The following CCNT1 variants were observed in gnomAD, a reference collection of about 807,000 sequenced individuals.
CCNT1 encodes cyclin T1.
Under a neutral mutation model 67.3 loss-of-function variants are expected in CCNT1, and 18 were observed. That is an observed-to-expected ratio of 0.27 (90% CI 0.18 to 0.40). The LOEUF (loss-of-function observed/expected upper bound fraction) is 0.40. Ranked by LOEUF, CCNT1 falls within the 10% of genes least tolerant of loss-of-function variation. The pLI, the probability that CCNT1 is intolerant of heterozygous loss-of-function variation, is 1.00. For missense variants in CCNT1, 744 were observed against 884.9 expected (o/e 0.84, Z 2.02); for synonymous variants, 333 against 310.3 (o/e 1.07, Z -0.77).
intron 5 of CCNT1, among the ~76,000 whole-genome samples, chr12:48,698,696 G>A (rs11168690): frequency 0.23 from 34,287 of 152,164 alleles, 4,856 homozygotes; most frequent in Non-Finnish European, 0.33. Context: ...GGTGGCTCAC[G>A]CCTGTAATCC....
chr12:48,698,491 T>C (rs1003546576), intron 5 of CCNT1, among the ~76,000 whole-genome samples: 1 of 152,164 alleles, frequency 6.6e-6, no homozygotes, highest in African/African-American at 2.4e-5. Context: ...TAAAATTTAA[T>C]TAAATGTTTG....
In CCNT1 at chr12:48,690,062, C is replaced by T. The variant is rs1381759508; in HGVS notation, c.*2971G>A. 1 of 152,224 alleles carries T rather than the reference C, an allele frequency of 6.6e-6. No homozygotes were observed. Among genetic ancestry groups the T allele is most frequent in the Non-Finnish European group, 1.5e-5 (1 of 68,052 alleles). 9.4% of individuals were successfully genotyped at this position (152,224 alleles called of 1,614,324 possible). On this transcript the variant is annotated 3_prime_UTR_variant, in exon 9 of 9. Coordinates refer to ENST00000261900, the MANE Select transcript of CCNT1 (RefSeq NM_001240.4). ...TTCATGAATGGGAAGACTAGACTAA[C>T]ACCTAAGTATTTTCTAAACTCAAAA... is the stretch of plus-strand genomic sequence containing the variant.
chr12:48,701,655 T>C (rs901319324), intron 3 of CCNT1, among the ~76,000 whole-genome samples: 2 of 152,056 alleles, frequency 1.3e-5, no homozygotes, highest in African/African-American at 4.8e-5. Context: ...TTGCCCAGGC[T>C]GGAGTGCAAT....
At chr12:48,699,134 A>C (rs972062937) in intron 5 of CCNT1, among the ~76,000 whole-genome samples, 5 of 152,140 alleles carry the variant, frequency 3.3e-5, no homozygotes, top group Admixed American at 6.6e-5. Flanking sequence ...CTCAATATTA[A>C]CATACACCCA....
At position 48,705,771 on chromosome 12, in the gene CCNT1, A is replaced by G. The variant is rs1404175424; in HGVS notation, c.369T>C (p.Ser123=). The G allele has an allele frequency of 6.2e-7, 1 of 1,605,900 alleles. No individual in the cohort carries two copies. Among genetic ancestry groups the G allele is most frequent in the Non-Finnish European group, 8.5e-7 (1 of 1,177,384 alleles). Residue 123 remains serine (S), a synonymous_variant, in exon 3 of 9, where the codon AGT becomes AGC. Transcript: ENST00000261900. ...AGATGTGTAATTAATCTCCTACCTC[A>G]CTTCTAGTATCAGGAAGGGATTCCT... ...HPQESLPDTR[S]EAYLQQVQDL...
At chr12:48,714,859 C>T (rs1028210917) in intron 1 of CCNT1, among the ~76,000 whole-genome samples, 2 of 152,228 alleles carry the variant, frequency 1.3e-5, no homozygotes, top group Non-Finnish European at 2.9e-5. Flanking sequence ...GTCGCCCACA[C>T]TGGAGTGCGG....
chr12:48,698,116 A>G, intron 6 of CCNT1, 22 bp downstream of exon 6: 5 of 1,503,966 alleles, frequency 3.3e-6, no homozygotes, highest in Non-Finnish European at 4.5e-6. Flanking sequence ...AATCGAAGAG[A>G]AAAAAAAATT....
rs745339049 is a variant in CCNT1 at position 48,693,107 on chromosome 12, C to T, written c.2107G>A (p.Gly703Ser). The stretch of plus-strand genomic sequence containing the variant: ...GGTGGCCGGGGTTTGTCTGTATTGC[C>T]AGATCTCGAGGAGATTCCACCAGAC... Reference protein sequence around the residue: ...PRSGGISSRSGNTDKPRPPPL... With the variant: ...PRSGGISSRSSNTDKPRPPPL... Residue 703 changes from glycine to serine, a missense_variant, in exon 9 of 9, where the codon GGC (glycine) becomes AGC (serine). Coordinates refer to ENST00000261900, the MANE Select transcript of CCNT1 (RefSeq NM_001240.4). 1.2e-6 allele frequency: 2 copies of T among 1,613,938 alleles called. No individual in the cohort carries two copies. The highest frequency in any genetic ancestry group is 4.5e-5 in the East Asian group (2 of 44,876).
intron 5 of CCNT1, 145 bp from the exon 6 acceptor site, chr12:48,698,328 C>G (rs1940212402): frequency 1.9e-6 from 1 of 538,126 alleles, no homozygotes; most frequent in Non-Finnish European, 3.3e-6. Flanking sequence ...TCCCTGTAAA[C>G]CTGACGTTTA....
Position 48,703,585 on chromosome 12 carries a change from T to TA in CCNT1, c.372+2182dup, listed in dbSNP as rs1294418266. Among the ~76,000 whole-genome samples the TA allele has an allele frequency of 9.1e-3, 1,291 of 141,850 alleles. 25 individuals are homozygous for TA. The highest frequency in any genetic ancestry group is 0.031 in the African/African-American group (1,196 of 38,664). The allele number at this position is 141,850 out of a possible 152,430, so 93.1% of individuals were successfully genotyped here. ...CAAAACTCCAACTCGAAAAAAAAGTTAAAAAAAAAAAAAATAGTGAAACTA... is the reference window on the plus strand; with the variant it reads ...CAAAACTCCAACTCGAAAAAAAAGTTAAAAAAAAAAAAAAATAGTGAAACTA... On this transcript the variant is annotated intron_variant, in intron 3 of 8. Coordinates refer to ENST00000261900, the MANE Select transcript of CCNT1 (RefSeq NM_001240.4).
chr12:48,697,534 A>AATATATATATATATATATATAT (rs771889041), intron 6 of CCNT1, among the ~76,000 whole-genome samples: 3 of 130,682 alleles, frequency 2.3e-5, no homozygotes, highest in African/African-American at 9.1e-5. Flanking sequence ...AAAAAAAAAA[A>AATATATATATATATATATATAT]ATATATATAT....
rs760792255 is a variant in CCNT1 at position 48,705,906 on chromosome 12, G to A, written c.244-10C>T. The A allele has an allele frequency of 1.9e-6, 3 of 1,604,950 alleles. No individual in the cohort carries two copies. Among genetic ancestry groups the A allele is most frequent in the South Asian group, 1.1e-5 (1 of 89,990 alleles). The stretch of plus-strand genomic sequence containing the variant: ...CTGCTGGAGCCACAGACTGAATGGA[G>A]AGAAAATAAATCATATTTATTATCA... On this transcript the variant is annotated splice_polypyrimidine_tract_variant and intron_variant, in intron 2 of 8. Coordinates refer to ENST00000261900, the MANE Select transcript of CCNT1 (RefSeq NM_001240.4).
chr12:48,694,240 C>G lies in CCNT1; in HGVS notation c.974G>C (p.Ser325Thr). The G allele has an allele frequency of 6.2e-7, 1 of 1,614,218 alleles. No homozygotes were observed. Among genetic ancestry groups the G allele is most frequent in the Non-Finnish European group, 8.5e-7 (1 of 1,180,038 alleles). Residue 325 changes from serine (S) to threonine (T), a missense_variant, in exon 9 of 9, where the codon AGT becomes ACT. Coordinates refer to ENST00000261900, the MANE Select transcript of CCNT1 (RefSeq NM_001240.4). The part of the protein sequence containing the change: ...VSEESSSNLT[S>T]VEMLPGKRWL... ...ACGCTTGCCCGGCAACATCTCCACA[C>G]TGGTTAAGTTGCTGGATGACTCTTC...
At chr12:48,713,069 T>C (rs976999695) in intron 2 of CCNT1, among the ~76,000 whole-genome samples, 2 of 152,206 alleles carry the variant, frequency 1.3e-5, no homozygotes, top group Non-Finnish European at 2.9e-5. Context: ...AAGTCATTTA[T>C]AATAATGTTA....
Position 48,693,284 on chromosome 12 carries a change from T to C in CCNT1, c.1930A>G (p.Thr644Ala). Residue 644 changes from threonine (T) to alanine (A), a missense_variant, in exon 9 of 9, where the codon ACT (threonine) becomes GCT (alanine). Physicochemically the swap from Thr to Ala is moderately conservative, Grantham distance 58 (BLOSUM62 0). Around this residue, in one of 3 missense-constraint regions of CCNT1, gnomAD observed 564 missense variants for 574.2 expected, o/e 0.98. Transcript: ENST00000261900. ...GTCGTGTTGTGACCATTGGCCCCAGTGGGCCCTTTATCCAGTTTCGAATGA... is the reference window on the plus strand; with the variant it reads ...GTCGTGTTGTGACCATTGGCCCCAGCGGGCCCTTTATCCAGTTTCGAATGA... ...VPHSKLDKGP[T>A]GANGHNTTQT... 1 of 1,614,236 alleles carries C rather than the reference T, an allele frequency of 6.2e-7. No individual in the cohort carries two copies. The highest frequency in any genetic ancestry group is 2.2e-5 in the East Asian group (1 of 44,882).
rs1737003164 is a variant in CCNT1 at position 48,691,549 on chromosome 12, A to G, written c.*1484T>C. 6.6e-6 allele frequency: 1 copy of G among 152,236 alleles called. No individual in the cohort carries two copies. Among genetic ancestry groups the G allele is most frequent in the African/African-American group, 2.4e-5 (1 of 41,454 alleles). 9.4% of individuals were successfully genotyped at this position (152,236 alleles called of 1,614,324 possible). ...CTTTCTAGCCAAGATTTTCTGAAAG[A>G]TTTATTAAAAATGTTCACTCCTAAT... On this transcript the variant is annotated 3_prime_UTR_variant, in exon 9 of 9. Coordinates refer to ENST00000261900, the MANE Select transcript of CCNT1 (RefSeq NM_001240.4).
chr12:48,715,138 CA>C (rs1259088972), intron 1 of CCNT1, among the ~76,000 whole-genome samples: 6 of 152,092 alleles, frequency 3.9e-5, no homozygotes, highest in Non-Finnish European at 7.4e-5. Flanking sequence ...AACACACATA[CA>C]AAAAGGAAAG....
Position 48,714,536 on chromosome 12 carries a change from A to G in CCNT1, c.162-12T>C. ...TAGTCAATTGTGAGCTGAAGTGTTC[A>G]AGTTAAGATCCAAAAACAGGCAGGT... is the stretch of plus-strand genomic sequence containing the variant. On this transcript the variant is annotated splice_polypyrimidine_tract_variant and intron_variant, in intron 1 of 8. Coordinates refer to ENST00000261900, the MANE Select transcript of CCNT1 (RefSeq NM_001240.4). 6.3e-7 allele frequency: 1 copy of G among 1,576,012 alleles called. No individual in the cohort carries two copies. Among genetic ancestry groups the G allele is most frequent in the Non-Finnish European group, 8.7e-7 (1 of 1,145,584 alleles).
chr12:48,709,376 C>G (rs1015306508), intron 2 of CCNT1, among the ~76,000 whole-genome samples: 1 of 152,158 alleles, frequency 6.6e-6, no homozygotes, highest in Non-Finnish European at 1.5e-5. Flanking sequence ...GTAGGGCAAA[C>G]TGACACTACA....
Sources: allele counts gnomAD v4.1 joint callset (sites outside exome capture counted in the v4.1 genomes callset), GRCh38; gene constraint gnomAD v4.1.1; regional missense constraint gnomAD v4.1.1; transcripts MANE v1.5; gene names NCBI Gene and HGNC (gene_info 2026-07-23, HGNC 2026-07-21).